Variants in TBC1D9B observed in about 807,000 individuals in gnomAD.
TBC1D9B encodes the protein TBC1 domain family, member 9B (with GRAM domain).
A neutral mutation model predicts 121.1 loss-of-function variants in TBC1D9B; 87 were observed. That is an observed-to-expected ratio of 0.72 (90% CI 0.60 to 0.86). The LOEUF (loss-of-function observed/expected upper bound fraction) is 0.86. Ranked by LOEUF, TBC1D9B falls within the 40% of genes least tolerant of loss-of-function variation. The probability of loss-of-function intolerance (pLI) is 0.00; values close to 1 mark genes in which losing one functional copy is unlikely to be tolerated. For synonymous variants in TBC1D9B, 668 were observed against 670.1 expected (o/e 1.00, Z 0.05); for missense variants, 1,540 against 1,628.6 (o/e 0.95, Z 0.94).
chr5:179,878,365 G>A lies in TBC1D9B; in HGVS notation c.1726C>T (p.Leu576Phe). 6.2e-7 allele frequency: 1 copy of A among 1,614,014 alleles called. No individual in the cohort carries two copies. Among genetic ancestry groups the A allele is most frequent in the South Asian group, 1.1e-5 (1 of 91,028 alleles). Residue 576 changes from leucine to phenylalanine, a missense_variant, in exon 10 of 21, where the codon CTC becomes TTC. Transcript: ENST00000355235. ...GCATAGGCAGTCAGCACCCGCCGGA[G>A]GGCAGCAATCCCCAGCTCGTTCTGG... ...AFQNELGIAA[L>F]RRVLTAYAFR...
chr5:179,894,586 A>G lies in TBC1D9B; in HGVS notation c.377T>C (p.Leu126Pro), dbSNP rs1300633646. Residue 126 changes from leucine (L) to proline (P), a missense_variant, in exon 4 of 21, where the codon CTG becomes CCG. Physicochemically the swap from Leu to Pro is moderately conservative, Grantham distance 98. Coordinates refer to ENST00000355235, the MANE Select transcript of TBC1D9B (RefSeq NM_015043.4). ...HGIIAEENKN[L>P]QPQGDEDPGK... ...GGGGTCCTCGTCTCCCTGGGGCTGC[A>G]GGTTCTTGTTCTCTTCTGCGATGAT... The G allele has an allele frequency of 4.3e-6, 7 of 1,614,090 alleles. No individual in the cohort carries two copies. The Admixed American group carries it at 1.0e-4, about 23-fold the overall frequency.
At chr5:179,871,677 G>T in intron 14 of TBC1D9B, 147 bp from the exon 15 acceptor site, 1 of 767,168 alleles carries the variant, frequency 1.3e-6, no homozygotes. Flanking sequence ...GGACCCTTCG[G>T]GAGAGAGCGA....
At chr5:179,877,334 CTAAAAA>C (rs1460791563) in intron 10 of TBC1D9B, among the ~76,000 whole-genome samples, 8 of 151,546 alleles carry the variant, frequency 5.3e-5, no homozygotes, top group Non-Finnish European at 1.2e-4. Flanking sequence ...GACCCTGTCT[CTAAAAA>C]TAATAATAAT....
rs1465845147 is a variant in TBC1D9B at position 179,904,021 on chromosome 5, T to A, written c.229+681A>T. ...CCACAAAATCGCTGGAAGTATTGAT[T>A]TGGGGATTGCAAATACATTTTATTG... On this transcript the variant is annotated intron_variant, in intron 2 of 20. Coordinates refer to ENST00000355235, the MANE Select transcript of TBC1D9B (RefSeq NM_015043.4). The surrounding 1 kb of genome is among the most constrained non-coding windows in gnomAD (Gnocchi z 4.2). 6.6e-6 allele frequency among the ~76,000 whole-genome samples: 1 copy of A among 152,158 alleles called. No individual in the cohort carries two copies. The highest frequency in any genetic ancestry group is 1.5e-5 in the Non-Finnish European group (1 of 68,018).
chr5:179,895,872 CT>C (rs995183527), intron 3 of TBC1D9B, among the ~76,000 whole-genome samples: 1 of 152,160 alleles, frequency 6.6e-6, no homozygotes, highest in Non-Finnish European at 1.5e-5. Context: ...AAAATATGCC[CT>C]TTTGACATAA....
In TBC1D9B at chr5:179,891,365, T is replaced by C. The variant is rs1261343906; in HGVS notation, c.1044+14A>G. On this transcript the variant is annotated intron_variant, in intron 6 of 20. Coordinates refer to ENST00000355235, the MANE Select transcript of TBC1D9B (RefSeq NM_015043.4). This position sits in a 1 kb window ranked among gnomAD's most constrained non-coding sequence, Gnocchi z 4.3. Reference sequence around the variant, plus strand: ...GCTGGAAAGGCCTTGGCCTCTCAACTAGGGGATGCTGACCTCCCTCAGGGG... The same window carrying C: ...GCTGGAAAGGCCTTGGCCTCTCAACCAGGGGATGCTGACCTCCCTCAGGGG... 5 of 1,613,950 alleles carry C rather than the reference T, an allele frequency of 3.1e-6. No individual in the cohort carries two copies. The highest frequency in any genetic ancestry group is 1.3e-5 in the African/African-American group (1 of 74,926).
chr5:179,863,768 C>CA lies in TBC1D9B; in HGVS notation c.3381dup (p.Asp1128Ter). 6.2e-7 allele frequency: 1 copy of CA among 1,613,676 alleles called. No homozygotes were observed. Among genetic ancestry groups the CA allele is most frequent in the Non-Finnish European group, 8.5e-7 (1 of 1,180,002 alleles). ...GACATGTCGTCTTTGGTTTCATCGT[C>CA]AGACAGCAGCTGGGAGGGTGAGCCC... On this transcript the variant is annotated frameshift_variant, in exon 21 of 21. Transcript: ENST00000355235. LOFTEE classifies it low-confidence loss of function (END_TRUNC). This position sits in a 1 kb window ranked among gnomAD's most constrained non-coding sequence, Gnocchi z 4.5.
In TBC1D9B at chr5:179,869,875, C is replaced by T. The variant is rs546893846; in HGVS notation, c.2726-41G>A. 112 of 1,515,254 alleles carry T rather than the reference C, an allele frequency of 7.4e-5. 1 individual carries two copies. In the South Asian group the frequency reaches 1.4e-3, roughly 19 times the overall value. 93.9% of individuals were successfully genotyped at this position (1,515,254 alleles called of 1,614,324 possible). A position where few individuals can be genotyped will look rare whatever the true frequency, so the allele number is the denominator to read the frequency against. On this transcript the variant is annotated intron_variant, in intron 16 of 20. Coordinates refer to ENST00000355235, the MANE Select transcript of TBC1D9B (RefSeq NM_015043.4). Reference sequence around the variant, plus strand: ...GGGAGGGCTGGGTCTGGCAACATGGCTGCAGAGCCCCTTCCAGGGGGTCCG... The same window carrying T: ...GGGAGGGCTGGGTCTGGCAACATGGTTGCAGAGCCCCTTCCAGGGGGTCCG...
In TBC1D9B at chr5:179,863,581, A is replaced by G. The variant is rs1759911479; in HGVS notation, c.3569T>C (p.Ile1190Thr). ...CISFEQILAS[I>T]LTESVLVNFF... ...GTTCACCAGCACGGACTCCGTCAGGATGGAGGCCAGGATCTGCTCAAAGGA... is the reference window on the plus strand; with the variant it reads ...GTTCACCAGCACGGACTCCGTCAGGGTGGAGGCCAGGATCTGCTCAAAGGA... Residue 1190 changes from isoleucine (I) to threonine (T), a missense_variant, in exon 21 of 21, where the codon ATC (isoleucine) becomes ACC (threonine). Transcript: ENST00000355235. This position sits in a 1 kb window ranked among gnomAD's most constrained non-coding sequence, Gnocchi z 4.5. 6.2e-7 allele frequency: 1 copy of G among 1,614,162 alleles called. No homozygotes were observed. Among genetic ancestry groups the G allele is most frequent in the South Asian group, 1.1e-5 (1 of 91,086 alleles).
chr5:179,896,917 C>A (rs996889254), intron 3 of TBC1D9B, among the ~76,000 whole-genome samples: 3 of 151,032 alleles, frequency 2.0e-5, no homozygotes, highest in African/African-American at 7.3e-5. Context: ...CTCCTCACAG[C>A]GTATTTTGAG....
chr5:179,888,461 C>A, intron 6 of TBC1D9B, 149 bp from the exon 7 acceptor site: 1 of 843,300 alleles, frequency 1.2e-6, no homozygotes. Context: ...GACTCTGCCA[C>A]CCGCTGCACC....
chr5:179,868,013 G>A, intron 17 of TBC1D9B, 164 bp from the exon 18 acceptor site: 1 of 507,292 alleles, frequency 2.0e-6, no homozygotes, highest in Non-Finnish European at 3.3e-6. Context: ...TGATGGTGAT[G>A]ATTGGTTCTG....
chr5:179,905,644 A>C (rs774049609), intron 1 of TBC1D9B, among the ~76,000 whole-genome samples: 5 of 152,186 alleles, frequency 3.3e-5, no homozygotes, highest in Non-Finnish European at 5.9e-5. Context: ...TATCTTTGTC[A>C]GTGTCACTAT....
chr5:179,876,187 G>A (rs917940269), intron 10 of TBC1D9B, 150 bp from the exon 11 acceptor site: 30 of 656,910 alleles, frequency 4.6e-5, no homozygotes, highest in African/African-American at 1.3e-4. Context: ...TCAGGTTCTC[G>A]TGGTGAAGAT....
Position 179,893,423 on chromosome 5 carries a change from T to G in TBC1D9B, c.622A>C (p.Asn208His). 1 of 1,613,564 alleles carries G rather than the reference T, an allele frequency of 6.2e-7. No individual in the cohort carries two copies. The highest frequency in any genetic ancestry group is 1.1e-5 in the South Asian group (1 of 91,034). ...QWVDITRLEK[N>H]ATLLFPESIR... ...CTCTCGGGGAAGAGCAGGGTGGCGT[T>G]CTTCTCCAGACGCGTTATGTCCACC... is the stretch of plus-strand genomic sequence containing the variant. The change falls in exon 5 of 21, where the codon AAC (asparagine) becomes CAC (histidine). Residue 208 changes from asparagine to histidine, a missense_variant. Coordinates refer to ENST00000355235, the MANE Select transcript of TBC1D9B (RefSeq NM_015043.4).
chr5:179,894,333 G>C, intron 4 of TBC1D9B, 53 bp downstream of exon 4: 1 of 1,512,610 alleles, frequency 6.6e-7, no homozygotes, highest in South Asian at 1.2e-5. Flanking sequence ...GGGGCCGAAG[G>C]CAGGGAGGGG....
At chr5:179,867,506 C>T (rs1760048634) in intron 18 of TBC1D9B, 9 of 1,559,078 alleles carry the variant, frequency 5.8e-6, no homozygotes, top group Non-Finnish European at 6.1e-6. Context: ...CTGGAAGGGA[C>T]AGCAGAGGAG....
rs986526034 is a variant in TBC1D9B at position 179,890,361 on chromosome 5, G to A, written c.1044+1018C>T. On this transcript the variant is annotated intron_variant, in intron 6 of 20. Transcript: ENST00000355235. The surrounding 1 kb of genome is among the most constrained non-coding windows in gnomAD (Gnocchi z 5.0). Reference sequence around the variant, plus strand: ...ATCTGAGATGTCAAGGGCCCGGCAGGAGAAATCCAAACGGAGCCTCAGGTG... The same window carrying A: ...ATCTGAGATGTCAAGGGCCCGGCAGAAGAAATCCAAACGGAGCCTCAGGTG... Among the ~76,000 whole-genome samples, 10 of 152,328 alleles carry A rather than the reference G, an allele frequency of 6.6e-5. No individual in the cohort carries two copies. Among genetic ancestry groups the A allele is most frequent in the Non-Finnish European group, 1.0e-4 (7 of 68,032 alleles).
rs1404457411 is a variant in TBC1D9B, at chr5:179,890,512, G to C, written c.1044+867C>G. Among the ~76,000 whole-genome samples, 1 of 152,204 alleles carries C rather than the reference G, an allele frequency of 6.6e-6. No individual in the cohort carries two copies. The highest frequency in any genetic ancestry group is 6.5e-5 in the Admixed American group (1 of 15,278). Reference sequence around the variant, plus strand: ...AGCCTCTTAACCTGGAGCTTTTGGAGCTGTGGCTCTTCTGAGTTCCTTCCC... The same window carrying C: ...AGCCTCTTAACCTGGAGCTTTTGGACCTGTGGCTCTTCTGAGTTCCTTCCC... On this transcript the variant is annotated intron_variant, in intron 6 of 20. Coordinates refer to ENST00000355235, the MANE Select transcript of TBC1D9B (RefSeq NM_015043.4). The surrounding 1 kb of genome is among the most constrained non-coding windows in gnomAD (Gnocchi z 5.0).
Sources: gnomAD v4.1 joint callset for allele counts (sites outside exome capture counted in the v4.1 genomes callset) on GRCh38, gnomAD v4.1.1 for gene constraint, Gnocchi (gnomAD v3.1) non-coding constraint, MANE v1.5 for transcripts, NCBI Gene and HGNC (gene_info 2026-07-23, HGNC 2026-07-21) for gene names.